Variants in SUGCT observed in about 807,000 individuals in gnomAD.
SUGCT encodes the protein succinyl-CoA:glutarate-CoA transferase, also known as succinyl-CoA:glutarate CoA-transferase.
Under a neutral mutation model 55.0 loss-of-function variants are expected in SUGCT, and 41 were observed. The observed-to-expected ratio is 0.74, with a 90% CI of 0.58 to 0.97. SUGCT has a LOEUF of 0.97. SUGCT is among the 50% of genes least tolerant of loss of function. The pLI, the probability that SUGCT is intolerant of heterozygous loss-of-function variation, is 0.00. For synonymous variants in SUGCT, 187 were observed against 200.4 expected, an observed-to-expected ratio of 0.93 and a Z score of 0.56; for missense variants, 568 against 547.8, an observed-to-expected ratio of 1.04 and a Z score of -0.37.
the SUGCT span, among the ~76,000 whole-genome samples, chr7:40,948,448 GA>G: frequency 3.3e-5 from 5 of 151,356 alleles, no homozygotes; most frequent in African/African-American, 1.2e-4. Context: ...TGATGATGAT[GA>G]TGATGATGAT....
chr7:40,551,083 C>T (rs1795272115), intron 12 of SUGCT, among the ~76,000 whole-genome samples: 1 of 152,122 alleles, frequency 6.6e-6, no homozygotes, highest in Non-Finnish European at 1.5e-5. Flanking sequence ...TCACTGAGCT[C>T]TTTTCTCAGG....
the SUGCT span, among the ~76,000 whole-genome samples, chr7:40,990,542 C>G: frequency 6.6e-6 from 1 of 152,172 alleles, no homozygotes; most frequent in Non-Finnish European, 1.5e-5. Flanking sequence ...CTTAAAGTCA[C>G]CAGCTGCATT....
chr7:40,481,190 T>C (rs1791014753), intron 11 of SUGCT, among the ~76,000 whole-genome samples: 1 of 151,890 alleles, frequency 6.6e-6, no homozygotes, highest in African/African-American at 2.4e-5. Flanking sequence ...ATATAAAAAT[T>C]AACTAGGCAT....
intron 12 of SUGCT, among the ~76,000 whole-genome samples, chr7:40,602,894 A>C (rs781136571): frequency 9.9e-5 from 15 of 152,124 alleles, no homozygotes; most frequent in Non-Finnish European, 2.1e-4. Flanking sequence ...GGATATTCTC[A>C]CTTTCTTCTA....
At chr7:40,788,460 A>C (rs574589141) in intron 13 of SUGCT, among the ~76,000 whole-genome samples, 2 of 152,270 alleles carry the variant, frequency 1.3e-5, no homozygotes, top group Non-Finnish European at 2.9e-5. Context: ...CATCATATAA[A>C]AGCTTCAAAA....
chr7:41,003,802 G>T, the SUGCT span, among the ~76,000 whole-genome samples: 1 of 152,152 alleles, frequency 6.6e-6, no homozygotes, highest in Non-Finnish European at 1.5e-5. Flanking sequence ...TTACATTCCA[G>T]GAGGTTCTCT....
At chr7:40,952,005 C>A in the SUGCT span, among the ~76,000 whole-genome samples, 180 of 152,222 alleles carry the variant, frequency 1.2e-3, 2 homozygotes, top group African/African-American at 4.1e-3. Flanking sequence ...TCCTGGATAT[C>A]CTTGTCCATT....
At chr7:40,451,523 C>T (rs917520974) in intron 10 of SUGCT, among the ~76,000 whole-genome samples, 6 of 152,142 alleles carry the variant, frequency 3.9e-5, no homozygotes, top group African/African-American at 1.4e-4. Context: ...AGGAATGGCA[C>T]ACTTGACCTT....
At chr7:40,611,225 T>C (rs1403956687) in intron 12 of SUGCT, among the ~76,000 whole-genome samples, 1 of 152,224 alleles carries the variant, frequency 6.6e-6, no homozygotes, top group Admixed American at 6.5e-5. Context: ...ATGAAAGAGC[T>C]ATTAGGCTAT....
chr7:40,854,436 C>CTTTCTTTCTTTCTT (rs2128803415), intron 13 of SUGCT, among the ~76,000 whole-genome samples: 1 of 140,798 alleles, frequency 7.1e-6, no homozygotes, highest in South Asian at 2.4e-4. Context: ...TTCTTTCTTT[C>CTTTCTTTCTTTCTT]TTTCTTTCTT....
intron 6 of SUGCT, among the ~76,000 whole-genome samples, chr7:40,219,750 T>A (rs144316645): frequency 2.6e-5 from 4 of 152,240 alleles, no homozygotes; most frequent in Admixed American, 6.5e-5. Flanking sequence ...AAAAAACTTC[T>A]TATCACCAAA....
At chr7:40,724,385 GAAACCCCTTCTGTACTAAAAATACA>G (rs1227578578) in intron 12 of SUGCT, among the ~76,000 whole-genome samples, 4 of 150,884 alleles carry the variant, frequency 2.7e-5, no homozygotes, top group Non-Finnish European at 4.4e-5. Context: ...CTAACGTGGT[GAAACCCCTTCTGTACTAAAAATACA>G]AAAAATTAAC....
At chr7:40,893,712 G>T in the SUGCT span, among the ~76,000 whole-genome samples, 5 of 152,032 alleles carry the variant, frequency 3.3e-5, no homozygotes, top group Non-Finnish European at 7.4e-5. Flanking sequence ...AATAGCCAAG[G>T]CAATCCTAGG....
intron 12 of SUGCT, among the ~76,000 whole-genome samples, chr7:40,570,290 A>G (rs1796371476): frequency 6.6e-6 from 1 of 152,200 alleles, no homozygotes; most frequent in Non-Finnish European, 1.5e-5. Context: ...TATTGAACTA[A>G]TATTTGCTGA....
At chr7:41,019,069 C>A in the SUGCT span, among the ~76,000 whole-genome samples, 7 of 152,150 alleles carry the variant, frequency 4.6e-5, no homozygotes, top group East Asian at 1.4e-3. Flanking sequence ...CCATGCCCAG[C>A]TAATTTTTGT....
rs762383447 is a variant in SUGCT, at chr7:40,534,710, C to T, written c.1089+38324C>T. Among the ~76,000 whole-genome samples the T allele has an allele frequency of 1.6e-4, 24 of 152,314 alleles. No homozygotes were observed. The East Asian group carries it at 2.1e-3, about 13-fold the overall frequency. On this transcript the variant is annotated intron_variant, in intron 12 of 13. Transcript: ENST00000335693. ...CTGAGATTACAGGTGTGAGCCACTG[C>T]GCCCGGCCTAAAATTTCTTTATCTT... is the stretch of plus-strand genomic sequence containing the variant.
At chr7:40,933,178 C>A in the SUGCT span, among the ~76,000 whole-genome samples, 19 of 152,048 alleles carry the variant, frequency 1.2e-4, no homozygotes, top group African/African-American at 4.6e-4. Flanking sequence ...GATTTTATTT[C>A]TCCTTCACTT....
intron 9 of SUGCT, among the ~76,000 whole-genome samples, chr7:40,376,054 G>A (rs1357511748): frequency 6.6e-6 from 1 of 152,172 alleles, no homozygotes; most frequent in Non-Finnish European, 1.5e-5. Context: ...GACCTTATAT[G>A]TATAGATATC....
At chr7:40,631,338 C>T (rs770370446) in intron 12 of SUGCT, among the ~76,000 whole-genome samples, 4 of 151,984 alleles carry the variant, frequency 2.6e-5, no homozygotes, top group African/African-American at 9.7e-5. Flanking sequence ...TGTGTATGGA[C>T]GGTTATAAGT....
Sources: gnomAD v4.1 joint callset for allele counts (sites outside exome capture counted in the v4.1 genomes callset) on GRCh38, gnomAD v4.1.1 for gene constraint, MANE v1.5 for transcripts, NCBI Gene and HGNC (gene_info 2026-07-23, HGNC 2026-07-21) for gene names.